Variants in CDH4 observed in about 807,000 individuals in gnomAD.
The protein encoded by CDH4 is cadherin-4.
In CDH4, 33 loss-of-function variants were observed where a neutral mutation model predicts 86.0. The observed-to-expected ratio is 0.38, with a 90% confidence interval of 0.29 to 0.51. CDH4 has a LOEUF of 0.51. Among genes scored for constraint, CDH4 ranks in the 20% least tolerant of loss-of-function variants. The probability of loss-of-function intolerance (pLI) is 0.86; values close to 1 mark genes in which losing one functional copy is unlikely to be tolerated. For missense variants in CDH4, 1,114 were observed against 1,307.4 expected (o/e 0.85, Z 2.28); for synonymous variants, 555 against 549.4 (o/e 1.01, Z -0.14).
chr20:61,568,613 C>T (rs1276270707), intron 2 of CDH4, among the ~76,000 whole-genome samples: 2 of 152,208 alleles, frequency 1.3e-5, no homozygotes, highest in Admixed American at 6.5e-5. Flanking sequence ...CTGGTCTTCC[C>T]GCCTTCCTGC....
intron 9 of CDH4, among the ~76,000 whole-genome samples, chr20:61,913,695 A>C (rs1308773243): frequency 6.6e-6 from 1 of 152,182 alleles, no homozygotes; most frequent in Admixed American, 6.5e-5. Flanking sequence ...GATGCTCCTG[A>C]GAAGGCCGCT....
chr20:61,412,064 T>C (rs2085122599), intron 2 of CDH4, among the ~76,000 whole-genome samples: 1 of 152,234 alleles, frequency 6.6e-6, no homozygotes, highest in Non-Finnish European at 1.5e-5. Context: ...GGAGGCCTCT[T>C]GGTCACTGAT....
At chr20:61,382,324 G>A (rs545291941) in intron 2 of CDH4, among the ~76,000 whole-genome samples, 3 of 152,306 alleles carry the variant, frequency 2.0e-5, no homozygotes, top group South Asian at 4.2e-4. Flanking sequence ...GGTAGGGATC[G>A]TTTCTTCATC....
At chr20:61,752,053 C>T (rs1233133228) in intron 3 of CDH4, among the ~76,000 whole-genome samples, 2 of 152,146 alleles carry the variant, frequency 1.3e-5, no homozygotes, top group Non-Finnish European at 2.9e-5. Flanking sequence ...GAACTTCTGC[C>T]AGGTGCGGTG....
At chr20:61,323,776 G>A (rs537007591) in intron 2 of CDH4, among the ~76,000 whole-genome samples, 12 of 152,278 alleles carry the variant, frequency 7.9e-5, no homozygotes, top group East Asian at 1.9e-4. Context: ...TCATCTTGCC[G>A]TCACCTTTAG....
chr20:61,930,583 G>C (rs2055095177), intron 13 of CDH4, among the ~76,000 whole-genome samples: 2 of 152,186 alleles, frequency 1.3e-5, no homozygotes, highest in Non-Finnish European at 1.5e-5. Flanking sequence ...GTCCAGAACA[G>C]GCGGCAGGCC....
At chr20:61,723,857 G>A (rs909388216) in intron 2 of CDH4, among the ~76,000 whole-genome samples, 14 of 152,206 alleles carry the variant, frequency 9.2e-5, no homozygotes, top group South Asian at 6.2e-4. Flanking sequence ...ACGTGCAAGC[G>A]GCTGGCGGCT....
At chr20:61,749,649 A>C (rs1209886901) in intron 3 of CDH4, among the ~76,000 whole-genome samples, 1 of 152,250 alleles carries the variant, frequency 6.6e-6, no homozygotes, top group African/African-American at 2.4e-5. Context: ...AGGAAAAAAA[A>C]AAATCACATG....
intron 2 of CDH4, among the ~76,000 whole-genome samples, chr20:61,313,025 TC>T (rs1284656956): frequency 1.3e-5 from 2 of 152,140 alleles, no homozygotes; most frequent in Non-Finnish European, 2.9e-5. Context: ...CCCTTCCCTA[TC>T]CCTGCCCCAG....
intron 2 of CDH4, among the ~76,000 whole-genome samples, chr20:61,333,550 T>G (rs902067860): frequency 3.9e-5 from 6 of 151,932 alleles, no homozygotes; most frequent in Admixed American, 3.3e-4. Context: ...CCCTAAGAAG[T>G]GCAGTTGTAC....
At chr20:61,317,568 A>G (rs575366414) in intron 2 of CDH4, among the ~76,000 whole-genome samples, 6 of 152,108 alleles carry the variant, frequency 3.9e-5, no homozygotes, top group Non-Finnish European at 8.8e-5. Flanking sequence ...CTGACGCCAC[A>G]GGCATGGGGG....
rs182579735 is a variant in CDH4, at chr20:61,764,616, T to C, written c.397-8387T>C. On this transcript the variant is annotated intron_variant, in intron 3 of 15. Coordinates refer to ENST00000614565, the MANE Select transcript of CDH4 (RefSeq NM_001794.5). ...CACTGGAGCCCAGGCTGTCATTTTA[T>C]CTCTAAAAAGCCAAGCTCCACTTAT... Among the ~76,000 whole-genome samples, 6 of 152,226 alleles carry C rather than the reference T, an allele frequency of 3.9e-5. No individual in the cohort carries two copies. The East Asian group carries it at 1.2e-3, about 30-fold the overall frequency.
intron 8 of CDH4, among the ~76,000 whole-genome samples, chr20:61,904,377 C>T (rs770853697): frequency 2.0e-5 from 3 of 152,240 alleles, no homozygotes; most frequent in African/African-American, 7.2e-5. Flanking sequence ...GCCCTGTGCT[C>T]TCCCTGGGGA....
intron 2 of CDH4, among the ~76,000 whole-genome samples, chr20:61,272,627 GC>G (rs1158369130): frequency 1.3e-5 from 2 of 152,190 alleles, no homozygotes; most frequent in African/African-American, 4.8e-5. Context: ...GGTGATAAAT[GC>G]CCAGTTTAGG....
Position 61,563,348 on chromosome 20 carries a change from G to A in CDH4, c.170-180215G>A, listed in dbSNP as rs111933811. 9.4e-3 allele frequency among the ~76,000 whole-genome samples: 1,437 copies of A among 152,358 alleles called. 9 individuals carry two copies. Among genetic ancestry groups the A allele is most frequent in the Middle Eastern group, 0.02 (6 of 294 alleles). Reference sequence around the variant, plus strand: ...AAACGCCTTGGGAAGAAGGACCCTTGTAGGTGCAGAGTGCCAAGGGTGTGG... The same window carrying A: ...AAACGCCTTGGGAAGAAGGACCCTTATAGGTGCAGAGTGCCAAGGGTGTGG... On this transcript the variant is annotated intron_variant, in intron 2 of 15. Transcript: ENST00000614565.
At chr20:61,373,163 G>A (rs962609446) in intron 2 of CDH4, among the ~76,000 whole-genome samples, 3 of 152,172 alleles carry the variant, frequency 2.0e-5, no homozygotes, top group South Asian at 2.1e-4. Flanking sequence ...CTGTGTGGCC[G>A]ACACTCCCGC....
Position 61,773,301 on chromosome 20 carries a change from AC to A in CDH4, c.576+122del, listed in dbSNP as rs1320039169. The stretch of plus-strand genomic sequence containing the variant: ...TGGTGTCTGAGAAGGTCGCGATTTC[AC>A]CCTTTCTGTAATGAGATAAGCCTTA... On this transcript the variant is annotated intron_variant, in intron 4 of 15. Transcript: ENST00000614565. 6.1e-6 allele frequency: 6 copies of A among 990,966 alleles called. No individual in the cohort carries two copies. In the African/African-American group the frequency reaches 9.8e-5, roughly 16 times the overall value. The allele number at this position is 990,966 out of a possible 1,614,324, so 61.4% of individuals were successfully genotyped here.
chr20:61,825,637 T>A (rs1430173518), intron 4 of CDH4, among the ~76,000 whole-genome samples: 1 of 152,334 alleles, frequency 6.6e-6, no homozygotes, highest in Middle Eastern at 3.4e-3. Flanking sequence ...GGAAGTTAAG[T>A]GACTTGCCCA....
intron 2 of CDH4, among the ~76,000 whole-genome samples, chr20:61,440,266 G>A (rs763607436): frequency 3.3e-5 from 5 of 152,194 alleles, no homozygotes; most frequent in Non-Finnish European, 7.3e-5. Context: ...GACACTTACT[G>A]AAGTGATGAA....
Sources: gnomAD v4.1 joint callset for allele counts (sites outside exome capture counted in the v4.1 genomes callset) on GRCh38, gnomAD v4.1.1 for gene constraint, MANE v1.5 for transcripts, NCBI Gene and HGNC (gene_info 2026-07-23, HGNC 2026-07-21) for gene names.